The following CBR4 variants were observed in gnomAD, a reference collection of about 807,000 sequenced individuals.
CBR4 encodes the protein carbonyl reductase 4.
Under a neutral mutation model 21.0 loss-of-function variants are expected in CBR4, and 22 were observed. The observed-to-expected ratio is 1.05, with a 90% CI of 0.75 to 1.50. The LOEUF (loss-of-function observed/expected upper bound fraction) is 1.50, where lower values mean the gene tolerates loss of function less well. Among genes scored for constraint, CBR4 ranks in the 40% most tolerant of loss-of-function variants. The pLI, the probability that CBR4 is intolerant of heterozygous loss-of-function variation, is 0.00. For synonymous variants in CBR4, 100 were observed against 104.4 expected, an observed-to-expected ratio of 0.96 and a Z score of 0.26; for missense variants, 302 against 286.3, an observed-to-expected ratio of 1.05 and a Z score of -0.40.
chr4:169,002,314 A>T, intron 3 of CBR4, 109 bp from the exon 4 acceptor site: 1 of 1,110,792 alleles, frequency 9.0e-7, no homozygotes, highest in South Asian at 3.3e-5. Context: ...AACCCACTTC[A>T]CCTTGTCCTT....
At position 168,949,594 on chromosome 4, in the gene CBR4, C is replaced by T. The variant is rs535507493; in HGVS notation, n.169+52477G>A. Among the ~76,000 whole-genome samples the T allele has an allele frequency of 4.5e-4, 69 of 152,136 alleles. 1 individual carries two copies. Among genetic ancestry groups the T allele is most frequent in the African/African-American group, 1.6e-3 (66 of 41,536 alleles). Reference sequence around the variant, plus strand: ...ATCATAAAGGGATGCTGGATTTTGTCGAATGCTTTTTCCACATCTGGGTAA... The same window carrying T: ...ATCATAAAGGGATGCTGGATTTTGTTGAATGCTTTTTCCACATCTGGGTAA... On this transcript the variant is annotated intron_variant and non_coding_transcript_variant, in intron 2 of 3. Coordinates refer to the CBR4 transcript ENST00000509108.
At chr4:168,994,271 G>C (rs754304119) in intron 4 of CBR4, among the ~76,000 whole-genome samples, 2 of 152,184 alleles carry the variant, frequency 1.3e-5, no homozygotes, top group Non-Finnish European at 2.9e-5. Context: ...GGCACAGATC[G>C]CTCATGCTAT....
At chr4:168,972,690 A>G (rs532295588) in intron 2 of CBR4, among the ~76,000 whole-genome samples, 1 of 152,278 alleles carries the variant, frequency 6.6e-6, no homozygotes, top group Non-Finnish European at 1.5e-5. Flanking sequence ...ATGAGTCTTT[A>G]GGGTTTTCTA....
intron 2 of CBR4, among the ~76,000 whole-genome samples, chr4:168,908,465 G>A (rs1271143937): frequency 2.6e-5 from 4 of 151,836 alleles, no homozygotes; most frequent in African/African-American, 7.3e-5. Context: ...ATTAAGACAT[G>A]AGTTTAAATA....
chr4:169,001,060 C>T lies in CBR4; in HGVS notation c.535+1011G>A, dbSNP rs1167956657. On this transcript the variant is annotated intron_variant, in intron 4 of 4. Transcript: ENST00000306193. The stretch of plus-strand genomic sequence containing the variant: ...AGTACAATGGCATGATCATAGCTCA[C>T]TGCAACCTCCAACTCCTGGACTCCA... 2 of 152,112 alleles carry T rather than the reference C, an allele frequency of 1.3e-5. 1 individual carries two copies. The highest frequency in any genetic ancestry group is 4.8e-5 in the African/African-American group (2 of 41,400). 9.4% of individuals were successfully genotyped at this position (152,112 alleles called of 1,614,324 possible).
intron 2 of CBR4, among the ~76,000 whole-genome samples, chr4:168,945,347 C>G (rs1479594859): frequency 6.6e-6 from 1 of 152,162 alleles, no homozygotes; most frequent in East Asian, 1.9e-4. Context: ...TCAAGAACCT[C>G]GAAGAATCTC....
At chr4:168,903,973 G>T (rs982691761) in intron 2 of CBR4, 3 of 1,410,130 alleles carry the variant, frequency 2.1e-6, no homozygotes, top group African/African-American at 2.8e-5. Context: ...ATTAGACAAA[G>T]GAACTATTTA....
chr4:168,970,482 T>A (rs540820573), intron 2 of CBR4, among the ~76,000 whole-genome samples: 1 of 152,330 alleles, frequency 6.6e-6, no homozygotes, highest in South Asian at 2.1e-4. Flanking sequence ...AATAGACTAT[T>A]TTTTTCAAAT....
In CBR4 at chr4:168,958,049, G is replaced by A. The variant is rs371458755; in HGVS notation, n.169+44022C>T. Among the ~76,000 whole-genome samples the A allele has an allele frequency of 2.4e-4, 37 of 152,198 alleles. No individual in the cohort carries two copies. The South Asian group carries it at 7.7e-3, about 32-fold the overall frequency. On this transcript the variant is annotated intron_variant and non_coding_transcript_variant, in intron 2 of 3. Transcript: ENST00000509108. Reference sequence around the variant, plus strand: ...CCTCTTTCCTTTATAAATTACCCACGAGGTCAATAGTTCAAGACCAGCCTG... The same window carrying A: ...CCTCTTTCCTTTATAAATTACCCACAAGGTCAATAGTTCAAGACCAGCCTG...
At chr4:168,905,605 A>G (rs1449700041) in intron 2 of CBR4, among the ~76,000 whole-genome samples, 3 of 152,128 alleles carry the variant, frequency 2.0e-5, no homozygotes, top group Admixed American at 6.5e-5. Flanking sequence ...GAGCACAGCA[A>G]ACTCTTCACT....
intron 2 of CBR4, among the ~76,000 whole-genome samples, chr4:168,929,623 T>G (rs930219687): frequency 1.3e-5 from 2 of 152,210 alleles, no homozygotes; most frequent in Non-Finnish European, 2.9e-5. Flanking sequence ...TTCTATATTA[T>G]GGTGGTGAGG....
rs755336512 is a variant in CBR4, at chr4:168,915,948, G to A, written n.170-21183C>T. 55 of 1,612,960 alleles carry A rather than the reference G, an allele frequency of 3.4e-5. No homozygotes were observed. The East Asian group carries it at 1.1e-3, about 33-fold the overall frequency. On this transcript the variant is annotated intron_variant and non_coding_transcript_variant, in intron 2 of 3. Transcript: ENST00000509108. ...GACGAAAATGAACCAATTCAGGAGC[G>A]ATTCTTCAGACCTCACTTCTTGCAG...
chr4:168,998,652 T>C (rs1167521584), intron 4 of CBR4, among the ~76,000 whole-genome samples: 1 of 152,158 alleles, frequency 6.6e-6, no homozygotes, highest in Admixed American at 6.5e-5. Flanking sequence ...ATTGACTGAA[T>C]TGTAAACTTT....
chr4:168,947,436 C>T (rs917827890), intron 2 of CBR4, among the ~76,000 whole-genome samples: 2 of 152,074 alleles, frequency 1.3e-5, no homozygotes, highest in Non-Finnish European at 1.5e-5. Context: ...TGTTTGGTTA[C>T]ATGAGTAAGT....
intron 2 of CBR4, chr4:168,894,796 A>G (rs1364441442): frequency 1.3e-6 from 2 of 1,511,214 alleles, no homozygotes; most frequent in Admixed American, 4.0e-5. Flanking sequence ...GTCACAGAAA[A>G]GCAGTATTAA....
intron 2 of CBR4, among the ~76,000 whole-genome samples, chr4:168,917,049 G>T (rs111807939): frequency 5.4e-4 from 68 of 124,880 alleles, no homozygotes; most frequent in African/African-American, 1.3e-3. Context: ...TTTTTTTGGG[G>T]TTTTTTTTTT....
chr4:168,987,772 C>CA lies in CBR4; in HGVS notation c.*2377_*2378insT, dbSNP rs1167495317. ...CTCTTTATTCTGAATAACAGAAGCA[C>CA]GTAAATTAAATTATCCTCTTTGCAC... On this transcript the variant is annotated 3_prime_UTR_variant, in exon 5 of 5. Coordinates refer to ENST00000306193, the MANE Select transcript of CBR4 (RefSeq NM_032783.5). The CA allele has an allele frequency of 1.0e-6, 1 of 984,518 alleles. No homozygotes were observed. Among genetic ancestry groups the CA allele is most frequent in the East Asian group, 1.1e-4 (1 of 8,832 alleles). The allele number at this position is 984,518 out of a possible 1,614,324, so 61.0% of individuals were successfully genotyped here.
chr4:168,963,531 T>C (rs1763925793), intron 2 of CBR4, among the ~76,000 whole-genome samples: 2 of 150,988 alleles, frequency 1.3e-5, no homozygotes, highest in Admixed American at 1.3e-4. Flanking sequence ...AGTCCTATGG[T>C]GTGATCTCAG....
chr4:168,979,610 T>A (rs1011423599), intron 2 of CBR4, among the ~76,000 whole-genome samples: 1 of 152,154 alleles, frequency 6.6e-6, no homozygotes, highest in South Asian at 2.1e-4. Flanking sequence ...ACAAAGAGCC[T>A]GGTTGCTTCA....
Sources: gnomAD v4.1 joint callset for allele counts (sites outside exome capture counted in the v4.1 genomes callset) on GRCh38, gnomAD v4.1.1 for gene constraint, MANE v1.5 for transcripts, NCBI Gene and HGNC (gene_info 2026-07-23, HGNC 2026-07-21) for gene names.